CCDC15: variants seen among roughly 807,000 people sequenced by gnomAD.
CCDC15 encodes the protein coiled-coil domain-containing protein 15.
A neutral mutation model predicts 114.5 loss-of-function variants in CCDC15; 105 were observed. That is an observed-to-expected ratio of 0.92 (90% CI 0.78 to 1.08). The LOEUF (loss-of-function observed/expected upper bound fraction) is 1.08. Among genes scored for constraint, CCDC15 ranks in the 50% least tolerant of loss-of-function variants. The pLI, the probability that CCDC15 is intolerant of heterozygous loss-of-function variation, is 0.00. For synonymous variants in CCDC15, 334 were observed against 377.8 expected (o/e 0.88, Z 1.34); for missense variants, 1,105 against 1,093.6 (o/e 1.01, Z -0.15).
At chr11:124,962,362 T>C (rs376182981) in intron 4 of CCDC15, among the ~76,000 whole-genome samples, 1 of 152,254 alleles carries the variant, frequency 6.6e-6, no homozygotes, top group East Asian at 1.9e-4. Flanking sequence ...AACATTCATC[T>C]GACATGTTGA....
At chr11:124,970,406 A>G (rs1947859553) in intron 4 of CCDC15, among the ~76,000 whole-genome samples, 1 of 152,148 alleles carries the variant, frequency 6.6e-6, no homozygotes, top group Admixed American at 6.6e-5. Flanking sequence ...GGCTATAAAA[A>G]GTGGCTCATG....
rs1948810152 is a variant in CCDC15 at position 125,040,711 on chromosome 11, A to G, written c.2856A>G (p.Ter952=). ...ACAGGCGGACTTTGAAAAATCTATA[A>G]TAAGAATCTGAAATTAACTGGTAGT... ...SAHRRTLKNL[*] is the part of the protein sequence containing the mutation. The change falls in exon 16 of 16, where the codon TAA becomes TAG. Residue 952 remains the stop codon, a stop_retained_variant. Transcript: ENST00000344762. 6.2e-7 allele frequency: 1 copy of G among 1,611,050 alleles called. No homozygotes were observed. Among genetic ancestry groups the G allele is most frequent in the Non-Finnish European group, 8.5e-7 (1 of 1,178,430 alleles).
rs377372741 is a variant in CCDC15 at position 124,987,845 on chromosome 11, T to A, written c.1619T>A (p.Leu540Ter). ...TTTCTACCTAAAGACCAGGACTTTT[T>A]ATCTAGAGACCAGCATGTTCTCCCC... is the stretch of plus-strand genomic sequence containing the variant. ...QDFLPKDQDF[L>*]SRDQHVLPKD... The change falls in exon 8 of 16, where the codon TTA becomes TAA. Residue 540 changes from leucine (L) to a stop codon, truncating the protein, a stop_gained. Coordinates refer to ENST00000344762, the MANE Select transcript of CCDC15 (RefSeq NM_025004.3). LOFTEE classifies it high-confidence loss of function. 71 of 1,606,100 alleles carry A rather than the reference T, an allele frequency of 4.4e-5. No homozygotes were observed. Among genetic ancestry groups the A allele is most frequent in the Non-Finnish European group, 6.0e-5 (70 of 1,174,204 alleles).
chr11:124,985,110 C>T (rs1380025013), intron 6 of CCDC15, among the ~76,000 whole-genome samples: 3 of 152,198 alleles, frequency 2.0e-5, no homozygotes, highest in Non-Finnish European at 2.9e-5. Flanking sequence ...TATGATATAT[C>T]GTCTTTTGTG....
intron 4 of CCDC15, among the ~76,000 whole-genome samples, chr11:124,967,091 G>C (rs1484638037): frequency 1.3e-5 from 2 of 152,086 alleles, no homozygotes; most frequent in African/African-American, 4.8e-5. Flanking sequence ...TTTCAACCTT[G>C]GTGAATCTGA....
chr11:124,995,862 A>G (rs1346498423), intron 11 of CCDC15, among the ~76,000 whole-genome samples: 3 of 149,636 alleles, frequency 2.0e-5, no homozygotes. Flanking sequence ...ACAGAGTCTT[A>G]CTCTGTCACC....
At chr11:124,973,695 C>G (rs1226821329) in intron 4 of CCDC15, among the ~76,000 whole-genome samples, 1 of 152,026 alleles carries the variant, frequency 6.6e-6, no homozygotes, top group African/African-American at 2.4e-5. Flanking sequence ...GCAATCTTGG[C>G]TCACTGCAGC....
At chr11:124,956,564 A>G (rs974965589) in intron 2 of CCDC15, among the ~76,000 whole-genome samples, 1 of 152,204 alleles carries the variant, frequency 6.6e-6, no homozygotes, top group African/African-American at 2.4e-5. Flanking sequence ...TAATTGCTCA[A>G]ATTACATCTG....
chr11:124,954,496 T>G, intron 1 of CCDC15, 126 bp downstream of exon 1: 2 of 352,492 alleles, frequency 5.7e-6, no homozygotes, highest in Non-Finnish European at 1.1e-5. Flanking sequence ...CTCATCGCCA[T>G]TTCTTCTAGA....
Position 124,988,148 on chromosome 11 carries a change from G to A in CCDC15, c.1908+14G>A. The A allele has an allele frequency of 1.3e-6, 2 of 1,592,218 alleles. No individual in the cohort carries two copies. The highest frequency in any genetic ancestry group is 1.7e-6 in the Non-Finnish European group (2 of 1,171,732). On this transcript the variant is annotated intron_variant, in intron 8 of 15. Transcript: ENST00000344762. ...CCAAAATATCAGGTAAAATAGAGCAGAAAGGAGATACAAAAAGAAGAAATA... is the reference window on the plus strand; with the variant it reads ...CCAAAATATCAGGTAAAATAGAGCAAAAAGGAGATACAAAAAGAAGAAATA...
chr11:125,022,161 A>C (rs11219870), intron 13 of CCDC15, among the ~76,000 whole-genome samples: 28,516 of 151,808 alleles, frequency 0.19, 3,064 homozygotes, highest in African/African-American at 0.28. Flanking sequence ...TTAAGAGAGC[A>C]AGATGACATA....
intron 13 of CCDC15, among the ~76,000 whole-genome samples, chr11:125,013,424 C>A (rs916876159): frequency 6.6e-6 from 1 of 152,086 alleles, no homozygotes; most frequent in African/African-American, 2.4e-5. Context: ...CTTATAAAGA[C>A]CAGTCTGGCA....
At chr11:124,976,966 A>T (rs1947984261) in intron 5 of CCDC15, among the ~76,000 whole-genome samples, 1 of 152,088 alleles carries the variant, frequency 6.6e-6, no homozygotes, top group African/African-American at 2.4e-5. Context: ...AATTGGTGAA[A>T]TTTTTCTTAT....
chr11:124,954,869 T>G lies in CCDC15; in HGVS notation c.137T>G (p.Val46Gly), dbSNP rs559634482. The G allele has an allele frequency of 5.0e-6, 8 of 1,613,970 alleles. No individual in the cohort carries two copies. The African/African-American group carries it at 8.0e-5, about 16-fold the overall frequency. Reference sequence around the variant, plus strand: ...GCTATAGTACCAGTTGGGGCATGGGTGGAACCTGCCTCACCAGGTAGTTCG... The same window carrying G: ...GCTATAGTACCAGTTGGGGCATGGGGGGAACCTGCCTCACCAGGTAGTTCG... ...NEAIVPVGAW[V>G]EPASPGSSEI... is the part of the protein sequence containing the mutation. The change falls in exon 2 of 16, where the codon GTG becomes GGG. Residue 46 changes from valine (V) to glycine (G), a missense_variant. Val to Gly is a moderately radical substitution (Grantham distance 109). Coordinates refer to ENST00000344762, the MANE Select transcript of CCDC15 (RefSeq NM_025004.3).
Position 124,986,826 on chromosome 11 carries a change from G to C in CCDC15, c.838G>C (p.Gly280Arg), listed in dbSNP as rs760446480. The C allele has an allele frequency of 5.8e-6, 9 of 1,558,204 alleles. No homozygotes were observed. The South Asian group carries it at 1.1e-4, about 18-fold the overall frequency. ...EKGKEDLFGRGQQDQQAIHSE... is the reference protein window; with the variant it reads ...EKGKEDLFGRRQQDQQAIHSE... ...AGGGAAAGAAGATTTGTTTGGGAGA[G>C]GCCAGCAGGACCAGCAGGCTATCCA... The change falls in exon 7 of 16, where the codon GGC (glycine) becomes CGC (arginine). Residue 280 changes from glycine to arginine, a missense_variant. By Grantham distance (125) the Gly-to-Arg change is moderately radical (BLOSUM62 -2). Coordinates refer to ENST00000344762, the MANE Select transcript of CCDC15 (RefSeq NM_025004.3).
intron 11 of CCDC15, 101 bp from the exon 12 acceptor site, chr11:125,003,766 C>A: frequency 1.5e-6 from 1 of 646,258 alleles, no homozygotes; most frequent in Non-Finnish European, 2.6e-6. Flanking sequence ...TCCAATTGAG[C>A]CCAAGTTTGC....
At chr11:125,014,360 T>A (rs999971115) in intron 13 of CCDC15, among the ~76,000 whole-genome samples, 2 of 152,088 alleles carry the variant, frequency 1.3e-5, no homozygotes, top group Non-Finnish European at 2.9e-5. Context: ...TATTCAGTAT[T>A]CAATCAAAAG....
intron 11 of CCDC15, among the ~76,000 whole-genome samples, chr11:125,000,007 G>A (rs369490509): frequency 6.6e-6 from 1 of 151,236 alleles, no homozygotes; most frequent in Non-Finnish European, 1.5e-5. Flanking sequence ...GATTACAGGC[G>A]CCCACCACCA....
intron 13 of CCDC15, among the ~76,000 whole-genome samples, chr11:125,033,569 A>G (rs766040766): frequency 6.6e-6 from 1 of 152,134 alleles, no homozygotes; most frequent in Non-Finnish European, 1.5e-5. Flanking sequence ...GGTTAAGGAT[A>G]TATCTTCTGG....
Sources: allele counts gnomAD v4.1 joint callset (sites outside exome capture counted in the v4.1 genomes callset), GRCh38; gene constraint gnomAD v4.1.1; transcripts MANE v1.5; gene names NCBI Gene and HGNC (gene_info 2026-07-23, HGNC 2026-07-21).